NCKAP5: variants seen among roughly 807,000 people sequenced by gnomAD.
NCKAP5 encodes nck-associated protein 5.
NCKAP5 carries 92 observed loss-of-function variants against 167.0 expected under a neutral mutation model. The ratio of observed to expected loss-of-function variants is 0.55; its 90% CI spans 0.47 to 0.66. NCKAP5 has a LOEUF of 0.66. NCKAP5 is among the 30% of genes least tolerant of loss of function. NCKAP5 has a pLI of 0.00. For synonymous variants in NCKAP5, 891 were observed against 877.4 expected (o/e 1.02, Z -0.27); for missense variants, 2,378 against 2,315.0 (o/e 1.03, Z -0.56).
intron 5 of NCKAP5, among the ~76,000 whole-genome samples, chr2:133,174,257 C>T (rs1054971728): frequency 6.6e-6 from 1 of 152,076 alleles, no homozygotes. Flanking sequence ...ACATTTTAGA[C>T]AAGTATACTA....
At chr2:132,691,409 C>T (rs539192772) in intron 19 of NCKAP5, among the ~76,000 whole-genome samples, 5 of 152,264 alleles carry the variant, frequency 3.3e-5, no homozygotes, top group African/African-American at 1.2e-4. Context: ...CTAGATTCTT[C>T]TCCACACTAT....
intron 3 of NCKAP5, among the ~76,000 whole-genome samples, chr2:133,490,233 C>A (rs1405547982): frequency 6.6e-6 from 1 of 152,208 alleles, no homozygotes; most frequent in African/African-American, 2.4e-5. Flanking sequence ...CCCTCACTCT[C>A]ATTTCCTGAG....
At chr2:132,720,362 G>T (rs1312136728) in intron 19 of NCKAP5, among the ~76,000 whole-genome samples, 1 of 152,202 alleles carries the variant, frequency 6.6e-6, no homozygotes, top group Non-Finnish European at 1.5e-5. Context: ...ACATTTTTCA[G>T]AGTGAAGCTA....
At chr2:132,938,730 T>G (rs993063104) in intron 8 of NCKAP5, among the ~76,000 whole-genome samples, 15 of 151,430 alleles carry the variant, frequency 9.9e-5, no homozygotes, top group Non-Finnish European at 1.9e-4. Flanking sequence ...TGGAGAAAGG[T>G]AGAGGAAAGG....
At chr2:133,292,121 G>C (rs140298803) in intron 4 of NCKAP5, among the ~76,000 whole-genome samples, 1 of 152,096 alleles carries the variant, frequency 6.6e-6, no homozygotes, top group Admixed American at 6.6e-5. Flanking sequence ...GCAAACAAAT[G>C]ACTTATTTTT....
At chr2:133,580,320 TCAAGTCTTTGG>T in the NCKAP5 span, among the ~76,000 whole-genome samples, 1 of 152,190 alleles carries the variant, frequency 6.6e-6, no homozygotes, top group Non-Finnish European at 1.5e-5. Context: ...TATTTATACT[TCAAGTCTTTGG>T]TCAAGGAGGA....
intron 6 of NCKAP5, among the ~76,000 whole-genome samples, chr2:133,087,568 C>T (rs992628484): frequency 2.6e-5 from 4 of 152,170 alleles, no homozygotes; most frequent in Non-Finnish European, 4.4e-5. Flanking sequence ...GCTAGACAAA[C>T]ATTTCGCTTG....
intron 3 of NCKAP5, among the ~76,000 whole-genome samples, chr2:133,394,414 C>G (rs1158104221): frequency 6.6e-6 from 1 of 152,102 alleles, no homozygotes; most frequent in Non-Finnish European, 1.5e-5. Context: ...AAGACAAGAG[C>G]TAAGAATGGA....
chr2:133,203,802 T>C (rs2085818435), intron 5 of NCKAP5, among the ~76,000 whole-genome samples: 1 of 152,146 alleles, frequency 6.6e-6, no homozygotes, highest in South Asian at 2.1e-4. Context: ...ACTAGGAAAA[T>C]CTAAAGGTTT....
At chr2:132,873,159 A>G (rs1690967196) in intron 9 of NCKAP5, among the ~76,000 whole-genome samples, 1 of 152,334 alleles carries the variant, frequency 6.6e-6, no homozygotes, top group South Asian at 2.1e-4. Flanking sequence ...GCTGGAGTGC[A>G]GTAGCACGAT....
chr2:133,216,187 C>A (rs2086421010), intron 4 of NCKAP5, among the ~76,000 whole-genome samples: 1 of 151,950 alleles, frequency 6.6e-6, no homozygotes, highest in South Asian at 2.1e-4. Flanking sequence ...TCTATAAATT[C>A]CTATTCACTG....
intron 6 of NCKAP5, among the ~76,000 whole-genome samples, chr2:133,037,977 T>G (rs1394682734): frequency 1.3e-5 from 2 of 152,050 alleles, no homozygotes; most frequent in African/African-American, 4.8e-5. Context: ...CAAACGCTGG[T>G]GAGGATGTCA....
chr2:133,141,455 T>C (rs192115402), intron 5 of NCKAP5, among the ~76,000 whole-genome samples: 1 of 152,090 alleles, frequency 6.6e-6, no homozygotes, highest in Non-Finnish European at 1.5e-5. Flanking sequence ...ATCCTTTTTA[T>C]CCTGTAGCTG....
intron 17 of NCKAP5, among the ~76,000 whole-genome samples, chr2:132,731,113 G>A (rs1690960295): frequency 6.6e-6 from 1 of 152,024 alleles, no homozygotes; most frequent in South Asian, 2.1e-4. Flanking sequence ...TGTCATCCTG[G>A]GCTGCAATAC....
chr2:133,241,650 T>C (rs1161219569), intron 4 of NCKAP5, among the ~76,000 whole-genome samples: 5 of 152,116 alleles, frequency 3.3e-5, no homozygotes, highest in Admixed American at 1.3e-4. Flanking sequence ...TCTATTTTCA[T>C]CTACTCTGCC....
chr2:133,231,934 T>C (rs1024866064), intron 4 of NCKAP5, among the ~76,000 whole-genome samples: 2 of 152,220 alleles, frequency 1.3e-5, no homozygotes, highest in African/African-American at 4.8e-5. Flanking sequence ...TGCTAAAGCT[T>C]TGTGTGTCTT....
chr2:133,212,407 AG>A (rs1304396614), intron 5 of NCKAP5, among the ~76,000 whole-genome samples: 3 of 152,152 alleles, frequency 2.0e-5, no homozygotes, highest in Non-Finnish European at 4.4e-5. Context: ...TTTGGGAGAC[AG>A]GGTCTTTGGA....
intron 8 of NCKAP5, among the ~76,000 whole-genome samples, chr2:132,910,655 T>C (rs1694372751): frequency 6.6e-6 from 1 of 152,222 alleles, no homozygotes; most frequent in South Asian, 2.1e-4. Flanking sequence ...ACATTTTCTT[T>C]ATCCATTCAT....
At chr2:132,845,821 T>C (rs1341743197) in intron 11 of NCKAP5, among the ~76,000 whole-genome samples, 1 of 152,142 alleles carries the variant, frequency 6.6e-6, no homozygotes, top group Admixed American at 6.5e-5. Context: ...CCATAAAAAA[T>C]TGTGTTGTAT....
Sources: allele counts gnomAD v4.1 joint callset (sites outside exome capture counted in the v4.1 genomes callset), GRCh38; gene constraint gnomAD v4.1.1; transcripts MANE v1.5; gene names NCBI Gene and HGNC (gene_info 2026-07-23, HGNC 2026-07-21).